CLUL1: variants seen among roughly 807,000 people sequenced by gnomAD.
The protein encoded by CLUL1 is clusterin like 1, also known as clusterin-like protein 1.
In CLUL1, 43 loss-of-function variants were observed where a neutral mutation model predicts 49.4. That is an observed-to-expected ratio of 0.87 (90% CI 0.68 to 1.12). The LOEUF is 1.12. CLUL1 is among the 50% of genes most tolerant of loss of function. The pLI, the probability that CLUL1 is intolerant of heterozygous loss-of-function variation, is 0.00. For synonymous variants in CLUL1, 192 were observed against 184.9 expected, an observed-to-expected ratio of 1.04 and a Z score of -0.31; for missense variants, 486 against 544.4, an observed-to-expected ratio of 0.89 and a Z score of 1.07.
At chr18:646,383 C>G (rs2074508016) in intron 9 of CLUL1, among the ~76,000 whole-genome samples, 1 of 150,534 alleles carries the variant, frequency 6.6e-6, no homozygotes, top group East Asian at 1.9e-4. Flanking sequence ...ATCTTTTTAG[C>G]ATCTACTAAG....
intron 4 of CLUL1, among the ~76,000 whole-genome samples, chr18:623,420 A>T (rs994209659): frequency 2.0e-5 from 3 of 152,118 alleles, no homozygotes; most frequent in Non-Finnish European, 4.4e-5. Context: ...CAACCTGGGC[A>T]GATCACTTGA....
intron 2 of CLUL1, among the ~76,000 whole-genome samples, chr18:611,681 T>C (rs1044460829): frequency 6.6e-6 from 1 of 152,208 alleles, no homozygotes; most frequent in African/African-American, 2.4e-5. Flanking sequence ...CAAGAGCTAA[T>C]GGCATCATTT....
Position 619,241 on chromosome 18 carries a change from A to G in CLUL1, c.135A>G (p.Ala45=), listed in dbSNP as rs779843291. The change falls in exon 4 of 10, where the codon GCA becomes GCG. Residue 45 remains alanine (A), a synonymous_variant. Transcript: ENST00000692774. ...KSFSEVGEID[A]DEEVKKALTG... is the part of the protein sequence containing the mutation. ...TTTCTGAGGTGGGGGAGATAGATGC[A>G]GATGAAGAGGTGAAGAAGGCTTTGA... 9.9e-6 allele frequency: 16 copies of G among 1,613,890 alleles called. No individual in the cohort carries two copies. Among genetic ancestry groups the G allele is most frequent in the Non-Finnish European group, 1.3e-5 (15 of 1,179,936 alleles).
rs531026095 is a variant in CLUL1, at chr18:619,179, G to A, written c.107-34G>A. 3.7e-6 allele frequency: 6 copies of A among 1,604,462 alleles called. No homozygotes were observed. In the African/African-American group the frequency reaches 8.1e-5, roughly 22 times the overall value. On this transcript the variant is annotated intron_variant, in intron 3 of 9. Transcript: ENST00000692774. ...AACTTGGTGTTTTGTAATCTGATCA[G>A]ATCTCAAAGAAAAAATTGCCACATG...
At chr18:628,447 C>G (rs189051663) in intron 6 of CLUL1, among the ~76,000 whole-genome samples, 73 of 152,248 alleles carry the variant, frequency 4.8e-4, no homozygotes, top group African/African-American at 1.7e-3. Flanking sequence ...TTTAAGGCGG[C>G]AGATATCTTC....
chr18:639,883 T>G (rs985536767), intron 7 of CLUL1, among the ~76,000 whole-genome samples: 2 of 152,030 alleles, frequency 1.3e-5, no homozygotes, highest in African/African-American at 4.8e-5. Flanking sequence ...TAGAGCTGGG[T>G]CAAAGAAGTA....
chr18:637,938 G>A (rs980896237), intron 7 of CLUL1, among the ~76,000 whole-genome samples: 2 of 151,924 alleles, frequency 1.3e-5, no homozygotes, highest in Admixed American at 6.6e-5. Flanking sequence ...CAAGCCTCCA[G>A]CCTGGGCCTC....
chr18:633,345 A>G lies in CLUL1; in HGVS notation c.904A>G (p.Arg302Gly), dbSNP rs368695647. 121 of 1,613,790 alleles carry G rather than the reference A, an allele frequency of 7.5e-5. No individual in the cohort carries two copies. Among genetic ancestry groups the G allele is most frequent in the Non-Finnish European group, 5.5e-5 (65 of 1,179,792 alleles). The change falls in exon 7 of 10, where the codon AGA becomes GGA. Residue 302 changes from arginine (R) to glycine (G), a missense_variant. Coordinates refer to ENST00000692774, the MANE Select transcript of CLUL1 (RefSeq NM_001393344.1). Reference sequence around the variant, plus strand: ...TTCAAAGATGTTACCTGGGCAGGACAGAGGACTGTGTGGGGAACTTGACCA... The same window carrying G: ...TTCAAAGATGTTACCTGGGCAGGACGGAGGACTGTGTGGGGAACTTGACCA... ...LISKMLPGQDRGLCGELDQNL... is the reference protein window; with the variant it reads ...LISKMLPGQDGGLCGELDQNL...
At chr18:642,780 C>A (rs2074380195) in intron 8 of CLUL1, among the ~76,000 whole-genome samples, 1 of 152,242 alleles carries the variant, frequency 6.6e-6, no homozygotes, top group African/African-American at 2.4e-5. Context: ...CTGCTAACTG[C>A]TTATCTCTGA....
At chr18:600,628 C>T (rs999627425) in intron 1 of CLUL1, among the ~76,000 whole-genome samples, 1 of 152,110 alleles carries the variant, frequency 6.6e-6, no homozygotes, top group African/African-American at 2.4e-5. Flanking sequence ...TGCTAGAGTA[C>T]GTTTTGATTG....
At chr18:602,543 T>C (rs2072862604) in intron 1 of CLUL1, among the ~76,000 whole-genome samples, 1 of 152,230 alleles carries the variant, frequency 6.6e-6, no homozygotes, top group Non-Finnish European at 1.5e-5. Context: ...AACTGCCCAC[T>C]TCTGAAAACA....
At chr18:633,548 A>G (rs1188305499) in intron 7 of CLUL1, 113 bp downstream of exon 7, 2 of 983,004 alleles carry the variant, frequency 2.0e-6, no homozygotes, top group East Asian at 5.3e-5. Flanking sequence ...TTTCTTTTTA[A>G]TTCTCAGCAA....
At chr18:598,770 T>C (rs2072732742) in intron 1 of CLUL1, among the ~76,000 whole-genome samples, 1 of 152,206 alleles carries the variant, frequency 6.6e-6, no homozygotes, top group African/African-American at 2.4e-5. Context: ...GATCCACTCA[T>C]ATGCCCTTGC....
chr18:607,585 T>C (rs2073013823), intron 2 of CLUL1, among the ~76,000 whole-genome samples: 2 of 152,110 alleles, frequency 1.3e-5, no homozygotes, highest in African/African-American at 4.8e-5. Context: ...TGCCACCACC[T>C]AGCTAATTTT....
chr18:644,081 C>T (rs1446425014), intron 8 of CLUL1, among the ~76,000 whole-genome samples: 1 of 152,198 alleles, frequency 6.6e-6, no homozygotes, highest in Non-Finnish European at 1.5e-5. Context: ...ATACAAATTC[C>T]AGCAAGTGAA....
intron 7 of CLUL1, among the ~76,000 whole-genome samples, chr18:637,072 C>T (rs756292137): frequency 2.0e-5 from 3 of 151,704 alleles, no homozygotes; most frequent in Admixed American, 6.6e-5. Context: ...GTGCAACCTC[C>T]GCCTTCTGGG....
rs749220494 is a variant in CLUL1, at chr18:624,917, G to A, written c.308G>A (p.Arg103Lys). 12 of 1,614,060 alleles carry A rather than the reference G, an allele frequency of 7.4e-6. No homozygotes were observed. The highest frequency in any genetic ancestry group is 4.4e-5 in the South Asian group (4 of 91,092). The change falls in exon 5 of 10, where the codon AGG becomes AAG. Residue 103 changes from arginine (R) to lysine (K), a missense_variant. Transcript: ENST00000692774. ...EVQEHLEEEE[R>K]LCRESLADSW... ...CAAGAACATCTGGAGGAAGAAGAAA[G>A]GCTATGCCGGGAGTCTTTGGCAGAT...
intron 2 of CLUL1, chr18:613,051 C>A: frequency 6.1e-6 from 2 of 326,010 alleles, no homozygotes; most frequent in Non-Finnish European, 1.1e-5. Flanking sequence ...ATTTTGTATT[C>A]AAACTAGATC....
chr18:626,878 A>G (rs1351859208), intron 5 of CLUL1, among the ~76,000 whole-genome samples: 1 of 184 alleles, frequency 5.4e-3, no homozygotes, highest in South Asian at 0.5. Flanking sequence ...AAAGAAAGAA[A>G]GAAAGAAAGA....
Sources: gnomAD v4.1 joint callset for allele counts (sites outside exome capture counted in the v4.1 genomes callset) on GRCh38, gnomAD v4.1.1 for gene constraint, MANE v1.5 for transcripts, NCBI Gene and HGNC (gene_info 2026-07-23, HGNC 2026-07-21) for gene names.